The following ZHX1 variants were observed in gnomAD, a reference collection of about 807,000 sequenced individuals.
ZHX1 encodes zinc fingers and homeoboxes 1.
A neutral mutation model predicts 61.8 loss-of-function variants in ZHX1; 20 were observed. The ratio of observed to expected loss-of-function variants is 0.32; its 90% CI spans 0.23 to 0.47. The LOEUF (loss-of-function observed/expected upper bound fraction) is 0.47. ZHX1 is among the 20% of genes least tolerant of loss of function. The pLI, the probability that ZHX1 is intolerant of heterozygous loss-of-function variation, is 1.00. For missense variants in ZHX1, 800 were observed against 1,034.8 expected, an observed-to-expected ratio of 0.77 and a Z score of 3.11; for synonymous variants, 318 against 352.6, an observed-to-expected ratio of 0.90 and a Z score of 1.10.
intron 2 of ZHX1, among the ~76,000 whole-genome samples, chr8:123,259,480 ATGG>A (rs1411734254): frequency 1.3e-5 from 2 of 152,194 alleles, no homozygotes; most frequent in East Asian, 3.8e-4. Flanking sequence ...TGGTCCAGAC[ATGG>A]TGGTACACAT....
upstream of ZHX1, chr8:123,275,239 C>G (rs1195563112): frequency 6.6e-6 from 1 of 152,548 alleles, no homozygotes; most frequent in African/African-American, 2.4e-5. Flanking sequence ...GTTTCGGGAA[C>G]ACTGCCCGGC....
intron 3 of ZHX1, among the ~76,000 whole-genome samples, chr8:123,251,075 A>G (rs1825903520): frequency 6.6e-6 from 1 of 152,146 alleles, no homozygotes. Context: ...GTGGGAGGTG[A>G]CTGAATCATG....
intron 3 of ZHX1, chr8:123,252,431 T>C (rs1231501048): frequency 6.6e-6 from 1 of 152,176 alleles, no homozygotes; most frequent in Non-Finnish European, 1.5e-5. Flanking sequence ...CCAAAACCTT[T>C]CAAATTTAAG....
rs190515418 is a variant in ZHX1 at position 123,265,424 on chromosome 8, G to A, written c.-226+1849C>T. 1.2e-4 allele frequency among the ~76,000 whole-genome samples: 18 copies of A among 151,924 alleles called. No individual in the cohort carries two copies. In the East Asian group the frequency reaches 3.5e-3, roughly 29 times the overall value. On this transcript the variant is annotated intron_variant, in intron 2 of 3. Transcript: ENST00000395571. ...TAGCCAGCTGAAAATACTTTAACACGTTTGTATTCAACTAGAAGTTACAAA... is the reference window on the plus strand; with the variant it reads ...TAGCCAGCTGAAAATACTTTAACACATTTGTATTCAACTAGAAGTTACAAA...
intron 1 of ZHX1, among the ~76,000 whole-genome samples, chr8:123,273,073 T>C (rs996560768): frequency 6.6e-6 from 1 of 152,110 alleles, no homozygotes; most frequent in Non-Finnish European, 1.5e-5. Context: ...TTCTCATCCC[T>C]AGTCTCTGTT....
intron 2 of ZHX1, among the ~76,000 whole-genome samples, chr8:123,264,329 A>G (rs560335294): frequency 5.9e-5 from 9 of 152,194 alleles, no homozygotes; most frequent in Admixed American, 2.0e-4. Context: ...TAAGTCCTCA[A>G]TGTAATACAC....
chr8:123,251,829 G>C (rs1825927060), intron 3 of ZHX1, among the ~76,000 whole-genome samples: 1 of 152,078 alleles, frequency 6.6e-6, no homozygotes, highest in South Asian at 2.1e-4. Context: ...AACCTGGAAT[G>C]ATATTTATAC....
chr8:123,265,609 T>A (rs1826430478), intron 2 of ZHX1, among the ~76,000 whole-genome samples: 1 of 152,212 alleles, frequency 6.6e-6, no homozygotes, highest in South Asian at 2.1e-4. Context: ...TTAAAACATT[T>A]AGAAACATCA....
At chr8:123,270,382 T>C (rs1826606157) in intron 1 of ZHX1, among the ~76,000 whole-genome samples, 1 of 152,160 alleles carries the variant, frequency 6.6e-6, no homozygotes, top group Non-Finnish European at 1.5e-5. Context: ...TACAATAATA[T>C]ATGATATGGC....
rs1463466050 is a variant in ZHX1 at position 123,249,577 on chromosome 8, C to A, written c.*747G>T. ...CCTATCCAAATTACCATGTCAGTTT[C>A]TTTTCCTTCTTCAGAATTAATTTCC... On this transcript the variant is annotated 3_prime_UTR_variant, in exon 4 of 4. Transcript: ENST00000395571. 1 of 152,088 alleles carries A rather than the reference C, an allele frequency of 6.6e-6. No homozygotes were observed. The highest frequency in any genetic ancestry group is 2.4e-5 in the African/African-American group (1 of 41,436). 9.4% of individuals were successfully genotyped at this position (152,088 alleles called of 1,614,324 possible). A position where few individuals can be genotyped will look rare whatever the true frequency, so the allele number is the denominator to read the frequency against.
At chr8:123,265,670 A>G (rs1349290479) in intron 2 of ZHX1, among the ~76,000 whole-genome samples, 1 of 152,254 alleles carries the variant, frequency 6.6e-6, no homozygotes, top group Non-Finnish European at 1.5e-5. Flanking sequence ...TTACATCCAC[A>G]GCAAATGTTT....
intron 1 of ZHX1, among the ~76,000 whole-genome samples, chr8:123,273,370 A>G (rs1184888788): frequency 6.6e-6 from 1 of 152,032 alleles, no homozygotes; most frequent in Non-Finnish European, 1.5e-5. Flanking sequence ...CCAGCCTTTT[A>G]TACCCCTTGA....
intron 1 of ZHX1, among the ~76,000 whole-genome samples, chr8:123,273,572 C>T (rs1269460642): frequency 1.3e-5 from 2 of 152,240 alleles, no homozygotes; most frequent in African/African-American, 4.8e-5. Flanking sequence ...GGCCTGGCCC[C>T]GAAACGGGTG....
At position 123,254,987 on chromosome 8, in the gene ZHX1, T is replaced by C. The variant is rs893682182; in HGVS notation, c.960A>G (p.Gln320=). The C allele has an allele frequency of 6.2e-7, 1 of 1,614,096 alleles. No individual in the cohort carries two copies. Among genetic ancestry groups the C allele is most frequent in the Non-Finnish European group, 8.5e-7 (1 of 1,180,042 alleles). ...TMSEITVLSA[Q]AKYTEEQIKI... ...TGATCTGTTCCTCTGTATATTTTGC[T>C]TGAGCAGAAAGAACTGTAATTTCTG... Residue 320 remains glutamine (Q), a synonymous_variant, in exon 3 of 4, where the codon CAA becomes CAG. Transcript: ENST00000395571. The surrounding 1 kb of genome is among the most constrained non-coding windows in gnomAD (Gnocchi z 4.1).
Position 123,249,794 on chromosome 8 carries a change from C to T in ZHX1, c.*530G>A, listed in dbSNP as rs1281168892. 2.7e-5 allele frequency: 4 copies of T among 146,314 alleles called. No individual in the cohort carries two copies. The Admixed American group carries it at 2.7e-4, about 10-fold the overall frequency. The allele number at this position is 146,314 out of a possible 1,614,324, so 9.1% of individuals were successfully genotyped here. On this transcript the variant is annotated 3_prime_UTR_variant, in exon 4 of 4. Coordinates refer to ENST00000395571, the MANE Select transcript of ZHX1 (RefSeq NM_007222.5). ...TATAAGCCCATGCACAACTTTTAAT[C>T]TTAGTGCAGGGTCTGATAAATAAGA...
At chr8:123,250,527 A>G (rs1244316689) in intron 3 of ZHX1, among the ~76,000 whole-genome samples, 1 of 152,198 alleles carries the variant, frequency 6.6e-6, no homozygotes, top group Middle Eastern at 3.2e-3. Context: ...ATAAACATTT[A>G]TCATCTTTAT....
chr8:123,265,597 T>C (rs1412183161), intron 2 of ZHX1, among the ~76,000 whole-genome samples: 3 of 152,186 alleles, frequency 2.0e-5, no homozygotes, highest in Non-Finnish European at 4.4e-5. Flanking sequence ...AAAAATAAAA[T>C]GTTAAAACAT....
intron 1 of ZHX1, among the ~76,000 whole-genome samples, chr8:123,268,375 A>T (rs972663111): frequency 2.6e-5 from 4 of 152,224 alleles, no homozygotes; most frequent in African/African-American, 9.6e-5. Flanking sequence ...CTGTCCAAAT[A>T]TGTTGTTGTA....
In ZHX1 at chr8:123,254,423, A is replaced by T. The variant is rs367955153; in HGVS notation, c.1524T>A (p.Ile508=). 2 of 1,613,968 alleles carry T rather than the reference A, an allele frequency of 1.2e-6. No individual in the cohort carries two copies. Among genetic ancestry groups the T allele is most frequent in the African/African-American group, 2.7e-5 (2 of 74,872 alleles). Residue 508 remains isoleucine, a synonymous_variant, in exon 3 of 4, where the codon ATT becomes ATA. Coordinates refer to ENST00000395571, the MANE Select transcript of ZHX1 (RefSeq NM_007222.5). This position sits in a 1 kb window ranked among gnomAD's most constrained non-coding sequence, Gnocchi z 4.1. ...MKITGLTKGE[I]KKWFSDTRYN... The stretch of plus-strand genomic sequence containing the variant: ...ACCTTGTGTCACTAAACCATTTTTT[A>T]ATCTCTCCTTTCGTCAGGCCTGTTA...
Sources: gnomAD v4.1 joint callset for allele counts (sites outside exome capture counted in the v4.1 genomes callset) on GRCh38, gnomAD v4.1.1 for gene constraint, Gnocchi (gnomAD v3.1) non-coding constraint, MANE v1.5 for transcripts, NCBI Gene and HGNC (gene_info 2026-07-23, HGNC 2026-07-21) for gene names.